The following IGF1R variants were observed in gnomAD, a reference collection of about 807,000 sequenced individuals.
IGF1R encodes insulin-like growth factor 1 receptor.
In IGF1R, 44 loss-of-function variants were observed where a neutral mutation model predicts 144.6. The ratio of observed to expected loss-of-function variants is 0.30; its 90% CI spans 0.24 to 0.39. The LOEUF (loss-of-function observed/expected upper bound fraction) is 0.39. IGF1R is among the 10% of genes least tolerant of loss of function. The pLI is 1.00. For synonymous variants in IGF1R, 795 were observed against 722.8 expected (o/e 1.10, Z -1.60); for missense variants, 1,355 against 1,833.7 (o/e 0.74, Z 4.77).
At chr15:98,867,216 A>G (rs961062235) in intron 2 of IGF1R, among the ~76,000 whole-genome samples, 3 of 152,046 alleles carry the variant, frequency 2.0e-5, no homozygotes, top group Non-Finnish European at 4.4e-5. Flanking sequence ...TTAGGAATAG[A>G]TGATCCGTAG....
At chr15:98,831,996 G>A (rs1270657606) in intron 2 of IGF1R, among the ~76,000 whole-genome samples, 1 of 152,114 alleles carries the variant, frequency 6.6e-6, no homozygotes, top group Non-Finnish European at 1.5e-5. Flanking sequence ...AGGAAGGGGG[G>A]TCAGGGACCT....
chr15:98,814,292 C>CT (rs112063848), intron 2 of IGF1R, among the ~76,000 whole-genome samples: 5,433 of 152,168 alleles, frequency 0.036, 332 homozygotes, highest in African/African-American at 0.12. Flanking sequence ...GCAGTGAAAG[C>CT]TTTTTTTAAT....
chr15:98,678,726 G>A (rs932806671), intron 1 of IGF1R, among the ~76,000 whole-genome samples: 7 of 151,940 alleles, frequency 4.6e-5, no homozygotes, highest in African/African-American at 1.5e-4. Flanking sequence ...GTTTTGCCAC[G>A]TTGCGCAGGC....
chr15:98,894,637 C>A (rs1326722749), intron 3 of IGF1R, among the ~76,000 whole-genome samples: 2 of 152,226 alleles, frequency 1.3e-5, no homozygotes, highest in Non-Finnish European at 2.9e-5. Flanking sequence ...GGCACGGCGG[C>A]TCACGCCTGT....
chr15:98,916,746 G>T lies in IGF1R; in HGVS notation c.2071G>T (p.Val691Leu), dbSNP rs192294469. 5 of 1,614,096 alleles carry T rather than the reference G, an allele frequency of 3.1e-6. No homozygotes were observed. The highest frequency in any genetic ancestry group is 4.2e-6 in the Non-Finnish European group (5 of 1,179,962). Residue 691 changes from valine (V) to leucine (L), a missense_variant, in exon 10 of 21, where the codon GTG becomes TTG. Coordinates refer to ENST00000650285, the MANE Select transcript of IGF1R (RefSeq NM_000875.5). The part of the protein sequence containing the change: ...EEVTENPKTE[V>L]CGGEKGPCCA... The stretch of plus-strand genomic sequence containing the variant: ...GGTCACAGAGAACCCCAAGACTGAG[G>T]TGTGTGGTGGGGAGAAAGGGCCTTG...
intron 2 of IGF1R, among the ~76,000 whole-genome samples, chr15:98,806,242 G>C (rs751257664): frequency 1.3e-5 from 2 of 152,150 alleles, no homozygotes; most frequent in Non-Finnish European, 2.9e-5. Flanking sequence ...GTGGCACAGG[G>C]CGAGGTGTGG....
intron 2 of IGF1R, among the ~76,000 whole-genome samples, chr15:98,709,971 C>T (rs940235666): frequency 1.3e-5 from 2 of 152,102 alleles, no homozygotes; most frequent in African/African-American, 4.8e-5. Context: ...ATTCTGGGTC[C>T]AAGTCTAAGA....
intron 2 of IGF1R, among the ~76,000 whole-genome samples, chr15:98,739,808 T>A (rs1177114034): frequency 6.6e-6 from 1 of 152,140 alleles, no homozygotes. Context: ...CCCAGGCTGT[T>A]CTCGAATTCC....
intron 1 of IGF1R, among the ~76,000 whole-genome samples, chr15:98,705,056 G>A (rs976109780): frequency 2.6e-5 from 4 of 151,984 alleles, no homozygotes; most frequent in East Asian, 1.9e-4. Flanking sequence ...GGATGTATAC[G>A]TTAGAGCTCA....
chr15:98,766,731 C>T (rs45498100), intron 2 of IGF1R, among the ~76,000 whole-genome samples: 33 of 152,136 alleles, frequency 2.2e-4, no homozygotes, highest in African/African-American at 7.2e-4. Context: ...GGGACGCAAG[C>T]GTGTTGATTT....
intron 2 of IGF1R, among the ~76,000 whole-genome samples, chr15:98,797,995 A>G (rs2056286252): frequency 1.3e-5 from 2 of 152,238 alleles, no homozygotes; most frequent in South Asian, 4.1e-4. Flanking sequence ...GGAGAGGAAC[A>G]TGAGGTGGTA....
intron 2 of IGF1R, among the ~76,000 whole-genome samples, chr15:98,798,302 G>C (rs1242694508): frequency 6.6e-6 from 1 of 152,090 alleles, no homozygotes; most frequent in Non-Finnish European, 1.5e-5. Context: ...AGACCTAAAG[G>C]AAAGGGAAGG....
chr15:98,755,133 A>G (rs773909271), intron 2 of IGF1R, among the ~76,000 whole-genome samples: 2 of 152,148 alleles, frequency 1.3e-5, no homozygotes, highest in African/African-American at 2.4e-5. Context: ...TATATGCAGT[A>G]TAGTTTTGGG....
In IGF1R at chr15:98,935,836, T is replaced by C. The variant is rs530639229; in HGVS notation, c.3297+410T>C. On this transcript the variant is annotated intron_variant, in intron 17 of 20. Transcript: ENST00000650285. The surrounding 1 kb of genome is among the most constrained non-coding windows in gnomAD (Gnocchi z 4.2). ...CTCACATCCTCGTATGTGTTCTCTC[T>C]CGTTATGTTGTGTTGTGCTGTTGTT... 1.2e-4 allele frequency among the ~76,000 whole-genome samples: 18 copies of C among 152,282 alleles called. No homozygotes were observed. Among genetic ancestry groups the C allele is most frequent in the African/African-American group, 4.3e-4 (18 of 41,556 alleles).
At chr15:98,780,345 G>A (rs2011332641) in intron 2 of IGF1R, among the ~76,000 whole-genome samples, 1 of 151,580 alleles carries the variant, frequency 6.6e-6, no homozygotes, top group African/African-American at 2.4e-5. Context: ...GAGGTTGAGA[G>A]TTCAAGACCA....
chr15:98,744,987 C>T (rs577305807), intron 2 of IGF1R, among the ~76,000 whole-genome samples: 2 of 152,270 alleles, frequency 1.3e-5, no homozygotes, highest in South Asian at 2.1e-4. Context: ...AGGATTGAAT[C>T]GTAGCCTTGT....
At chr15:98,937,855 A>C (rs145012619) in intron 17 of IGF1R, among the ~76,000 whole-genome samples, 1 of 152,334 alleles carries the variant, frequency 6.6e-6, no homozygotes, top group East Asian at 1.9e-4. Flanking sequence ...TTTACATTTC[A>C]TGTGCATATT....
chr15:98,869,360 A>G (rs899832495), intron 2 of IGF1R, among the ~76,000 whole-genome samples: 2 of 151,234 alleles, frequency 1.3e-5, no homozygotes, highest in Non-Finnish European at 2.9e-5. Flanking sequence ...CAGGACCTGT[A>G]TGGTCAAATT....
intron 2 of IGF1R, among the ~76,000 whole-genome samples, chr15:98,747,698 G>C (rs2054903870): frequency 1.3e-5 from 2 of 152,196 alleles, no homozygotes; most frequent in Admixed American, 6.5e-5. Context: ...TGGACAGTGA[G>C]TTAAATGGTG....
Sources: gnomAD v4.1 joint callset for allele counts (sites outside exome capture counted in the v4.1 genomes callset) on GRCh38, gnomAD v4.1.1 for gene constraint, Gnocchi (gnomAD v3.1) non-coding constraint, MANE v1.5 for transcripts, NCBI Gene and HGNC (gene_info 2026-07-23, HGNC 2026-07-21) for gene names.